The following PTPRD variants were observed in gnomAD, a reference collection of about 807,000 sequenced individuals.
The protein encoded by PTPRD is protein tyrosine phosphatase receptor type D, also known as receptor-type tyrosine-protein phosphatase delta.
A neutral mutation model predicts 214.5 loss-of-function variants in PTPRD; 34 were observed. The observed-to-expected ratio is 0.16, with a 90% confidence interval of 0.12 to 0.21. The LOEUF (loss-of-function observed/expected upper bound fraction) is 0.21, where lower values mean the gene tolerates loss of function less well. PTPRD is among the 10% of genes least tolerant of loss of function. PTPRD has a pLI of 1.00. For synonymous variants in PTPRD, 1,128 were observed against 845.7 expected (o/e 1.33, Z -5.79); for missense variants, 2,545 against 2,398.7 (o/e 1.06, Z -1.27).
intron 3 of PTPRD, among the ~76,000 whole-genome samples, chr9:10,258,415 G>C (rs1234099935): frequency 2.0e-5 from 3 of 152,072 alleles, no homozygotes; most frequent in Admixed American, 6.5e-5. Context: ...AGGAACATAG[G>C]CTTATAAGAG....
chr9:9,747,539 GTT>G (rs35627464), intron 6 of PTPRD, among the ~76,000 whole-genome samples: 7,656 of 132,536 alleles, frequency 0.058, 623 homozygotes, highest in East Asian at 0.39. Context: ...AATCTTTTTT[GTT>G]TTTTTTTTTT....
chr9:9,264,912 AC>A lies in PTPRD; in HGVS notation c.-202-81550del, dbSNP rs763786647. Among the ~76,000 whole-genome samples the A allele has an allele frequency of 2.1e-5, 3 of 140,960 alleles. No individual in the cohort carries two copies. The South Asian group carries it at 6.7e-4, about 31-fold the overall frequency. 92.5% of individuals were successfully genotyped at this position (140,960 alleles called of 152,430 possible). On this transcript the variant is annotated intron_variant, in intron 9 of 45. Coordinates refer to ENST00000381196, the MANE Select transcript of PTPRD (RefSeq NM_002839.4). ...AAGTGATGAAAGAAAAAAAAAAAAA[AC>A]CCTACCAACCAAGAATATTTTAAAG...
At chr9:9,160,161 A>C (rs549221596) in intron 10 of PTPRD, among the ~76,000 whole-genome samples, 1 of 152,316 alleles carries the variant, frequency 6.6e-6, no homozygotes, top group South Asian at 2.1e-4. Flanking sequence ...TTCCTAAAGC[A>C]CAAGATAAAA....
intron 11 of PTPRD, among the ~76,000 whole-genome samples, chr9:8,800,242 A>G (rs892630015): frequency 2.0e-5 from 3 of 152,044 alleles, no homozygotes; most frequent in African/African-American, 7.2e-5. Context: ...TAAGGCATGT[A>G]TATTTAAAAA....
chr9:9,904,105 C>G (rs2077016459), intron 5 of PTPRD, among the ~76,000 whole-genome samples: 1 of 152,098 alleles, frequency 6.6e-6, no homozygotes, highest in Non-Finnish European at 1.5e-5. Flanking sequence ...TTTTCATCAT[C>G]TCACTTCTCT....
At chr9:9,830,211 T>A (rs1001982201) in intron 5 of PTPRD, among the ~76,000 whole-genome samples, 2 of 151,884 alleles carry the variant, frequency 1.3e-5, no homozygotes, top group Non-Finnish European at 2.9e-5. Context: ...CAAATATTTT[T>A]AAAAAGTTTT....
Position 8,636,792 on chromosome 9 carries a change from T to A in PTPRD, c.117A>T (p.Gly39=), listed in dbSNP as rs138451374. 7.1e-5 allele frequency: 114 copies of A among 1,613,938 alleles called. No homozygotes were observed. The highest frequency in any genetic ancestry group is 1.3e-4 in the Admixed American group (8 of 59,988). ...TPVDQTGVSG[G]VASFICQATG... ...TAGCTTGGCAGATGAAAGAGGCAAC[T>A]CCGCCAGAGACCCCTGTCTGATCAA... The change falls in exon 13 of 46, where the codon GGA becomes GGT. Residue 39 remains glycine, a synonymous_variant. Coordinates refer to ENST00000381196, the MANE Select transcript of PTPRD (RefSeq NM_002839.4).
At chr9:9,918,115 T>C (rs748554684) in intron 5 of PTPRD, among the ~76,000 whole-genome samples, 4 of 151,980 alleles carry the variant, frequency 2.6e-5, no homozygotes, top group Non-Finnish European at 5.9e-5. Context: ...AGTCAAATTA[T>C]CTGTACCTAG....
chr9:8,864,417 T>A (rs1045317655), intron 11 of PTPRD, among the ~76,000 whole-genome samples: 4 of 152,152 alleles, frequency 2.6e-5, no homozygotes, highest in African/African-American at 4.8e-5. Context: ...TGCTTTAAGA[T>A]TCAATGGTTA....
chr9:9,707,139 A>C (rs1181961240), intron 7 of PTPRD, among the ~76,000 whole-genome samples: 2 of 152,196 alleles, frequency 1.3e-5, no homozygotes, highest in Non-Finnish European at 2.9e-5. Context: ...GAAATGCCAT[A>C]AAGGGATTCT....
At chr9:10,455,852 G>A (rs1048519106) in intron 2 of PTPRD, among the ~76,000 whole-genome samples, 21 of 151,904 alleles carry the variant, frequency 1.4e-4, no homozygotes, top group Non-Finnish European at 2.2e-4. Context: ...TATAAAATAT[G>A]TAAAACCAAT....
intron 8 of PTPRD, among the ~76,000 whole-genome samples, chr9:9,414,482 G>T (rs1426436972): frequency 1.3e-5 from 2 of 152,196 alleles, no homozygotes; most frequent in Non-Finnish European, 2.9e-5. Context: ...CCTTAAGGAG[G>T]TGGTGGTAAT....
chr9:10,574,830 A>ATG (rs1555548827), intron 2 of PTPRD, among the ~76,000 whole-genome samples: 1 of 149,074 alleles, frequency 6.7e-6, no homozygotes, highest in Non-Finnish European at 1.5e-5. Context: ...ATATATATAT[A>ATG]TATCTTAGAT....
chr9:10,221,553 A>G (rs1389616663), intron 3 of PTPRD, among the ~76,000 whole-genome samples: 1 of 152,000 alleles, frequency 6.6e-6, no homozygotes, highest in African/African-American at 2.4e-5. Flanking sequence ...TATTCCTTAG[A>G]GTCCCTGAGC....
chr9:8,681,844 T>C (rs1397491643), intron 12 of PTPRD, among the ~76,000 whole-genome samples: 3 of 152,206 alleles, frequency 2.0e-5, no homozygotes, highest in African/African-American at 7.2e-5. Flanking sequence ...GTGATTGCCC[T>C]TCCCCACTTA....
intron 5 of PTPRD, among the ~76,000 whole-genome samples, chr9:9,829,857 A>T (rs1385006911): frequency 1.3e-5 from 2 of 151,816 alleles, no homozygotes; most frequent in Non-Finnish European, 2.9e-5. Flanking sequence ...GTCATCAAGC[A>T]TTTGCTACTA....
At chr9:9,761,643 A>G (rs1354001024) in intron 6 of PTPRD, among the ~76,000 whole-genome samples, 1 of 152,132 alleles carries the variant, frequency 6.6e-6, no homozygotes, top group Non-Finnish European at 1.5e-5. Context: ...AAATGTTGCC[A>G]TTAGGGAAAA....
intron 9 of PTPRD, among the ~76,000 whole-genome samples, chr9:9,379,843 G>A (rs2061705517): frequency 6.6e-6 from 1 of 151,806 alleles, no homozygotes; most frequent in Non-Finnish European, 1.5e-5. Flanking sequence ...TTCATTGTTG[G>A]TATATAGGAA....
chr9:9,451,656 A>G (rs777374867), intron 8 of PTPRD, among the ~76,000 whole-genome samples: 1 of 151,748 alleles, frequency 6.6e-6, no homozygotes, highest in African/African-American at 2.4e-5. Context: ...TAGACTTTTT[A>G]TATAAAAATT....
Sources: gnomAD v4.1 joint callset for allele counts (sites outside exome capture counted in the v4.1 genomes callset) on GRCh38, gnomAD v4.1.1 for gene constraint, MANE v1.5 for transcripts, NCBI Gene and HGNC (gene_info 2026-07-23, HGNC 2026-07-21) for gene names.